DTNB: variants seen among roughly 807,000 people sequenced by gnomAD.
DTNB encodes the protein DTN-B.
In DTNB, 63 loss-of-function variants were observed where a neutral mutation model predicts 90.7. The ratio of observed to expected loss-of-function variants is 0.69; its 90% confidence interval spans 0.57 to 0.86. DTNB has a LOEUF of 0.86. Among genes scored for constraint, DTNB ranks in the 40% least tolerant of loss-of-function variants. The probability of loss-of-function intolerance (pLI) is 0.00; values close to 1 mark genes in which losing one functional copy is unlikely to be tolerated. For missense variants in DTNB, 744 were observed against 807.1 expected (o/e 0.92, Z 0.95); for synonymous variants, 277 against 286.7 (o/e 0.97, Z 0.34).
At chr2:25,658,883 T>TA (rs1272377276) in intron 1 of DTNB, among the ~76,000 whole-genome samples, 3 of 152,246 alleles carry the variant, frequency 2.0e-5, no homozygotes, top group African/African-American at 7.2e-5. Context: ...GACAGAACTT[T>TA]ACAACACAAA....
intron 5 of DTNB, among the ~76,000 whole-genome samples, chr2:25,598,559 A>G (rs1363738534): frequency 3.9e-5 from 6 of 152,222 alleles, no homozygotes; most frequent in Non-Finnish European, 1.5e-5. Flanking sequence ...GTTTAAAACC[A>G]CACCTATCTG....
At chr2:25,595,789 G>GA (rs2064467073) in intron 6 of DTNB, among the ~76,000 whole-genome samples, 1 of 152,090 alleles carries the variant, frequency 6.6e-6, no homozygotes, top group African/African-American at 2.4e-5. Flanking sequence ...GAACTCATTT[G>GA]AAAAAGTAAT....
chr2:25,555,376 T>C (rs909649681), intron 8 of DTNB, among the ~76,000 whole-genome samples: 3 of 151,602 alleles, frequency 2.0e-5, no homozygotes, highest in Admixed American at 6.6e-5. Flanking sequence ...ATATGCTTGA[T>C]ATATTTCATA....
At chr2:25,527,010 T>C (rs574352413) in intron 9 of DTNB, among the ~76,000 whole-genome samples, 5 of 152,220 alleles carry the variant, frequency 3.3e-5, no homozygotes, top group African/African-American at 1.2e-4. Flanking sequence ...AGAAAACCTC[T>C]ATATGTTTGG....
intron 8 of DTNB, among the ~76,000 whole-genome samples, chr2:25,561,758 TA>T (rs1228829216): frequency 6.6e-6 from 1 of 152,192 alleles, no homozygotes; most frequent in South Asian, 2.1e-4. Flanking sequence ...ACCATGATTG[TA>T]AACTTCCTGA....
intron 10 of DTNB, among the ~76,000 whole-genome samples, chr2:25,477,973 C>T (rs555846731): frequency 2.0e-5 from 3 of 149,312 alleles, no homozygotes; most frequent in African/African-American, 7.4e-5. Flanking sequence ...AATTTTGTTG[C>T]TATTGTTTCT....
chr2:25,411,531 G>A (rs2149726887), intron 16 of DTNB, among the ~76,000 whole-genome samples: 1 of 152,284 alleles, frequency 6.6e-6, no homozygotes, highest in East Asian at 1.9e-4. Context: ...GAGGGAGCCA[G>A]CAGTAGCAGA....
At chr2:25,444,388 C>T (rs897012317) in intron 12 of DTNB, among the ~76,000 whole-genome samples, 3 of 151,718 alleles carry the variant, frequency 2.0e-5, no homozygotes, top group Non-Finnish European at 4.4e-5. Flanking sequence ...AAAAATTAGC[C>T]GGGTGTGGTG....
intron 9 of DTNB, among the ~76,000 whole-genome samples, chr2:25,526,316 C>T (rs186133433): frequency 3.1e-3 from 429 of 139,672 alleles, no homozygotes; most frequent in Admixed American, 7.6e-3. Flanking sequence ...TCAGGGAGAA[C>T]GGACAGGTAA....
At position 25,524,813 on chromosome 2, in the gene DTNB, A is replaced by C. The variant is rs1412008016; in HGVS notation, c.1001+6660T>G. Among the ~76,000 whole-genome samples the C allele has an allele frequency of 4.6e-5, 7 of 152,232 alleles. No homozygotes were observed. In the East Asian group the frequency reaches 1.3e-3, roughly 29 times the overall value. On this transcript the variant is annotated intron_variant, in intron 9 of 20. Transcript: ENST00000406818. ...TTGGCTGCTCCAGTCATTCCAGTCC[A>C]CAACGGACTGGGTGTGAGTAACAAA...
chr2:25,610,938 G>A (rs1183583124), intron 4 of DTNB, among the ~76,000 whole-genome samples: 4 of 152,136 alleles, frequency 2.6e-5, no homozygotes, highest in Non-Finnish European at 5.9e-5. Flanking sequence ...TAGAACTCCT[G>A]ACTTCAGGTG....
At chr2:25,473,931 C>A (rs2063280332) in intron 10 of DTNB, among the ~76,000 whole-genome samples, 1 of 152,238 alleles carries the variant, frequency 6.6e-6, no homozygotes, top group African/African-American at 2.4e-5. Context: ...GTCGGCTCTG[C>A]CGATGGTCTA....
At chr2:25,435,411 C>G (rs1176943515) in intron 12 of DTNB, among the ~76,000 whole-genome samples, 1 of 152,208 alleles carries the variant, frequency 6.6e-6, no homozygotes. Flanking sequence ...TCCCCATCCC[C>G]CTTCCCTCGC....
chr2:25,400,425 C>T (rs959068583), intron 16 of DTNB, among the ~76,000 whole-genome samples: 4 of 152,246 alleles, frequency 2.6e-5, no homozygotes, highest in African/African-American at 9.6e-5. Context: ...CTCCGCTCAA[C>T]GCGAACCAGT....
intron 5 of DTNB, among the ~76,000 whole-genome samples, chr2:25,603,421 T>C (rs950853784): frequency 2.0e-5 from 3 of 152,194 alleles, no homozygotes; most frequent in Non-Finnish European, 4.4e-5. Context: ...ATCTAGGACA[T>C]AGTCTCTAAT....
chr2:25,454,472 G>C (rs1313936108), intron 11 of DTNB, among the ~76,000 whole-genome samples: 1 of 152,158 alleles, frequency 6.6e-6, no homozygotes, highest in Non-Finnish European at 1.5e-5. Flanking sequence ...CTAAGAACAA[G>C]AATCTCAAAG....
chr2:25,440,048 C>T (rs981327215), intron 12 of DTNB, among the ~76,000 whole-genome samples: 1 of 152,102 alleles, frequency 6.6e-6, no homozygotes, highest in Non-Finnish European at 1.5e-5. Context: ...AGGAAGTTCC[C>T]AGGTCCAGTG....
chr2:25,587,902 A>AT (rs1375594578), intron 6 of DTNB, among the ~76,000 whole-genome samples: 4 of 151,308 alleles, frequency 2.6e-5, no homozygotes, highest in African/African-American at 4.9e-5. Context: ...ACACACCATT[A>AT]TTTTTTTTTC....
At chr2:25,501,489 C>T (rs1307639483) in intron 9 of DTNB, among the ~76,000 whole-genome samples, 1 of 152,232 alleles carries the variant, frequency 6.6e-6, no homozygotes, top group East Asian at 1.9e-4. Context: ...AAACGATTCT[C>T]CTGCCTTAGC....
Sources: gnomAD v4.1 joint callset for allele counts (sites outside exome capture counted in the v4.1 genomes callset) on GRCh38, gnomAD v4.1.1 for gene constraint, MANE v1.5 for transcripts, NCBI Gene and HGNC (gene_info 2026-07-23, HGNC 2026-07-21) for gene names.